The following PSG1 variants were observed in gnomAD, a reference collection of about 807,000 sequenced individuals.
PSG1 encodes pregnancy-specific beta-1-glycoprotein 1.
In PSG1, 60 loss-of-function variants were observed where a neutral mutation model predicts 41.4. That is an observed-to-expected ratio of 1.45 (90% CI 1.18 to 1.80). PSG1 has a LOEUF of 1.80. Among genes scored for constraint, PSG1 ranks in the 40% most tolerant of loss-of-function variants. PSG1 has a pLI of 0.00. For synonymous variants in PSG1, 256 were observed against 192.9 expected (o/e 1.33, Z -2.71); for missense variants, 806 against 516.9 (o/e 1.56, Z -5.42).
chr19:42,876,091 T>C (rs747862570), intron 2 of PSG1, among the ~76,000 whole-genome samples: 13 of 150,826 alleles, frequency 8.6e-5, no homozygotes, highest in African/African-American at 2.0e-4. Context: ...ACAGTGTTAG[T>C]GGGAAGGGAA....
chr19:42,879,697 G>T lies in PSG1; in HGVS notation c.-116C>A. On this transcript the variant is annotated 5_prime_UTR_variant, in exon 1 of 6. It adds an upstream start codon to the 5' untranslated region. Transcript: ENST00000436291. Reference sequence around the variant, plus strand: ...TCTTTCTGTGCTGAGCCTCTTCCCAGGGCAGGAGCAATTCTCAAGCTCATG... The same window carrying T: ...TCTTTCTGTGCTGAGCCTCTTCCCATGGCAGGAGCAATTCTCAAGCTCATG... The T allele has an allele frequency of 6.9e-7, 1 of 1,458,914 alleles. No homozygotes were observed. Among genetic ancestry groups the T allele is most frequent in the East Asian group, 2.4e-5 (1 of 42,160 alleles). The allele number at this position is 1,458,914 out of a possible 1,614,324, so 90.4% of individuals were successfully genotyped here.
intron 2 of PSG1, among the ~76,000 whole-genome samples, chr19:42,875,986 G>C (rs1402903280): frequency 1.3e-5 from 2 of 151,208 alleles, no homozygotes; most frequent in Non-Finnish European, 3.0e-5. Context: ...TTCTCTTAGT[G>C]ACCTGGGGAC....
rs1405137939 is a variant in PSG1, at chr19:42,877,922, T to C, written c.421A>G (p.Thr141Ala). ...TRGVTGRFTF[T>A]LHLETPKPSI... ...ATGTGGAATCACTTACGGTGTAAGG[T>C]GAAGGTGAAACGTCCAGTTACTCCT... The change falls in exon 2 of 6, where the codon ACC becomes GCC. Residue 141 changes from threonine (T) to alanine (A), a missense_variant. Physicochemically the swap from Thr to Ala is moderately conservative, Grantham distance 58. Transcript: ENST00000436291. 6.2e-7 allele frequency: 1 copy of C among 1,612,108 alleles called. No homozygotes were observed. The highest frequency in any genetic ancestry group is 8.5e-7 in the Non-Finnish European group (1 of 1,178,988).
Position 42,877,213 on chromosome 19 carries a change from C to G in PSG1, c.430+700G>C, listed in dbSNP as rs569335124. Among the ~76,000 whole-genome samples the G allele has an allele frequency of 3.8e-4, 58 of 151,684 alleles. 1 individual carries two copies. Among genetic ancestry groups the G allele is most frequent in the Non-Finnish European group, 7.8e-4 (53 of 67,924 alleles). ...TGCTACCTGGTACATCTTCTCTCTTCTGTTTCTGCTTCTGGGGACATTAGT... is the reference window on the plus strand; with the variant it reads ...TGCTACCTGGTACATCTTCTCTCTTGTGTTTCTGCTTCTGGGGACATTAGT... On this transcript the variant is annotated intron_variant, in intron 2 of 5. Transcript: ENST00000436291.
rs767824174 is a variant in PSG1, at chr19:42,878,048, C to T, written c.295G>A (p.Glu99Lys). Residue 99 changes from glutamate to lysine, a missense_variant, in exon 2 of 6, where the codon GAA becomes AAA. By Grantham distance (56) the Glu-to-Lys change is moderately conservative. Coordinates refer to ENST00000436291, the MANE Select transcript of PSG1 (RefSeq NM_001184825.2). ...AGGGATGCATTGGAATATGCTGTTT[C>T]TCGTCCACTATATGCAGGCCCATAT... ...IIYGPAYSGR[E>K]TAYSNASLLI... 6 of 1,612,422 alleles carry T rather than the reference C, an allele frequency of 3.7e-6. 1 individual carries two copies. The highest frequency in any genetic ancestry group is 5.1e-6 in the Non-Finnish European group (6 of 1,179,170).
At chr19:42,872,096 C>G (rs746027746) in intron 2 of PSG1, 51 bp from the exon 3 acceptor site, 3 of 1,572,042 alleles carry the variant, frequency 1.9e-6, no homozygotes, top group Non-Finnish European at 1.7e-6. Context: ...TTTGATTCCT[C>G]CAAAGGCATT....
chr19:42,868,057 C>T (rs1172397019), intron 5 of PSG1, 44 bp downstream of exon 5: 2 of 1,611,992 alleles, frequency 1.2e-6, no homozygotes, highest in Non-Finnish European at 8.5e-7. Context: ...GCCAGATAGA[C>T]TCCACCTAAA....
In PSG1 at chr19:42,871,878, T is replaced by C. The variant is rs750909749; in HGVS notation, c.598A>G (p.Arg200Gly). ...GTGACACCCAATAGAAAGAGGGTCC[T>C]GTTGGTTTCGGACAGCTTCAAGCTG... ...THSLKLSETNRTLFLLGVTKY... is the reference protein window; with the variant it reads ...THSLKLSETNGTLFLLGVTKY... Residue 200 changes from arginine to glycine, a missense_variant, in exon 3 of 6, where the codon AGG becomes GGG. Coordinates refer to ENST00000436291, the MANE Select transcript of PSG1 (RefSeq NM_001184825.2). 1.9e-6 allele frequency: 3 copies of C among 1,612,378 alleles called. No homozygotes were observed. The highest frequency in any genetic ancestry group is 2.5e-6 in the Non-Finnish European group (3 of 1,179,236).
At chr19:42,873,123 T>C (rs1032184364) in intron 2 of PSG1, among the ~76,000 whole-genome samples, 3 of 151,724 alleles carry the variant, frequency 2.0e-5, no homozygotes, top group East Asian at 1.9e-4. Flanking sequence ...GTGTGCAGTT[T>C]CAGTTATGCA....
chr19:42,878,830 G>T (rs1445487383), intron 1 of PSG1, among the ~76,000 whole-genome samples: 1 of 151,370 alleles, frequency 6.6e-6, no homozygotes, highest in Non-Finnish European at 1.5e-5. Context: ...GGAACAGGCT[G>T]CAGACTCCTG....
chr19:42,868,353 C>A lies in PSG1; in HGVS notation c.991G>T (p.Gly331Cys). 6.2e-7 allele frequency: 1 copy of A among 1,606,034 alleles called. No individual in the cohort carries two copies. The highest frequency in any genetic ancestry group is 8.5e-7 in the Non-Finnish European group (1 of 1,175,090). Residue 331 changes from glycine to cysteine, a missense_variant and splice_region_variant, in exon 5 of 6, where the codon GGT (glycine) becomes TGT (cysteine). Transcript: ENST00000436291. ...GGGTAAATTCTGGGGAGGTCTGGAC[C>A]ATCTGGAGCAAAGAGAATAAAGCCA... ...SDPVTLNVLYGPDLPRIYPSF... is the reference protein window; with the variant it reads ...SDPVTLNVLYCPDLPRIYPSF...
chr19:42,878,246 T>G lies in PSG1; in HGVS notation c.97A>C (p.Thr33Pro). Residue 33 changes from threonine to proline, a missense_variant, in exon 2 of 6, where the codon ACT becomes CCT. Transcript: ENST00000436291. ...TCGGCTTCAATCGTGACTTGGGCAGTGGTGGGCAGGTTCCAGAAGTTTAAA... is the reference window on the plus strand; with the variant it reads ...TCGGCTTCAATCGTGACTTGGGCAGGGGTGGGCAGGTTCCAGAAGTTTAAA... Reference protein sequence around the residue: ...SLLNFWNLPTTAQVTIEAEPT... With the variant: ...SLLNFWNLPTPAQVTIEAEPT... 1 of 1,610,100 alleles carries G rather than the reference T, an allele frequency of 6.2e-7. No homozygotes were observed. Among genetic ancestry groups the G allele is most frequent in the Non-Finnish European group, 8.5e-7 (1 of 1,178,374 alleles).
At position 42,867,489 on chromosome 19, in the gene PSG1, G is replaced by A. The variant is rs900233246; in HGVS notation, c.1244-339C>T. Reference sequence around the variant, plus strand: ...CCAAGGCTGACTTCAGACTTTGCCTGCAGTTCATATTGGTTCATTCTATCT... The same window carrying A: ...CCAAGGCTGACTTCAGACTTTGCCTACAGTTCATATTGGTTCATTCTATCT... On this transcript the variant is annotated intron_variant, in intron 5 of 5. Transcript: ENST00000436291. 40 of 582,872 alleles carry A rather than the reference G, an allele frequency of 6.9e-5. 1 individual carries two copies. Among genetic ancestry groups the A allele is most frequent in the South Asian group, 3.0e-4 (13 of 44,016 alleles). 36.1% of individuals were successfully genotyped at this position (582,872 alleles called of 1,614,324 possible).
At position 42,871,924 on chromosome 19, in the gene PSG1, A is replaced by C; in HGVS notation, c.552T>G (p.Gly184=). Residue 184 remains glycine, a synonymous_variant, in exon 3 of 6, where the codon GGT becomes GGG. Transcript: ENST00000436291. ...PDASYLWWMN[G]QSLPMTHSLK... Reference sequence around the variant, plus strand: ...AGCTGTGAGTCATAGGGAGGCTCTGACCATTCATCCACCACAGGTAGCTTG... The same window carrying C: ...AGCTGTGAGTCATAGGGAGGCTCTGCCCATTCATCCACCACAGGTAGCTTG... The C allele has an allele frequency of 1.2e-6, 2 of 1,612,414 alleles. No individual in the cohort carries two copies. The highest frequency in any genetic ancestry group is 1.7e-6 in the Non-Finnish European group (2 of 1,179,210).
intron 2 of PSG1, among the ~76,000 whole-genome samples, chr19:42,873,467 T>G (rs1971478349): frequency 6.6e-6 from 1 of 151,672 alleles, no homozygotes; most frequent in African/African-American, 2.4e-5. Context: ...TTAGACCTCA[T>G]GTTATATTCT....
intron 2 of PSG1, chr19:42,874,022 G>A (rs1403502272): frequency 6.6e-6 from 1 of 151,608 alleles, no homozygotes; most frequent in Non-Finnish European, 1.5e-5. Context: ...TGAGGAAACA[G>A]TTATAGGTGG....
At chr19:42,873,485 G>C (rs1158978261) in intron 2 of PSG1, among the ~76,000 whole-genome samples, 2 of 151,498 alleles carry the variant, frequency 1.3e-5, no homozygotes, top group Non-Finnish European at 2.9e-5. Flanking sequence ...TCTGACTCTA[G>C]TAACAAAAAA....
rs1243202722 is a variant in PSG1, at chr19:42,866,803, T to A, written c.*331A>T. 3.5e-6 allele frequency: 2 copies of A among 574,210 alleles called. No homozygotes were observed. The highest frequency in any genetic ancestry group is 3.8e-5 in the African/African-American group (2 of 53,260). 35.6% of individuals were successfully genotyped at this position (574,210 alleles called of 1,614,324 possible). ...ATGTGAAATTCTAATGACTGCATTA[T>A]CCTGCCAAGTGAAAGAGGCAGGCAT... On this transcript the variant is annotated 3_prime_UTR_variant, in exon 6 of 6. Coordinates refer to ENST00000436291, the MANE Select transcript of PSG1 (RefSeq NM_001184825.2).
In PSG1 at chr19:42,872,841, G is replaced by T. The variant is rs182740513; in HGVS notation, c.431-796C>A. 4.6e-4 allele frequency among the ~76,000 whole-genome samples: 70 copies of T among 151,938 alleles called. 1 individual carries two copies. The highest frequency in any genetic ancestry group is 1.3e-3 in the African/African-American group (53 of 41,424). ...TGTGGATCTTTCTAGAAATACATGT[G>T]GATCTTTGCAAATGCAGAACTGACT... On this transcript the variant is annotated intron_variant, in intron 2 of 5. Transcript: ENST00000436291.
Sources: allele counts gnomAD v4.1 joint callset (sites outside exome capture counted in the v4.1 genomes callset), GRCh38; gene constraint gnomAD v4.1.1; transcripts MANE v1.5; gene names NCBI Gene and HGNC (gene_info 2026-07-23, HGNC 2026-07-21).